Variants in IGSF21 observed in about 807,000 individuals in gnomAD.
The protein encoded by IGSF21 is immunoglobulin superfamily member 21.
A neutral mutation model predicts 46.8 loss-of-function variants in IGSF21; 28 were observed. The ratio of observed to expected loss-of-function variants is 0.60; its 90% confidence interval spans 0.44 to 0.82. The LOEUF is 0.82. Ranked by LOEUF, IGSF21 falls within the 40% of genes least tolerant of loss-of-function variation. The pLI is 0.00. For missense variants in IGSF21, 624 were observed against 665.5 expected (o/e 0.94, Z 0.69); for synonymous variants, 284 against 273.6 (o/e 1.04, Z -0.38).
intron 2 of IGSF21, among the ~76,000 whole-genome samples, chr1:18,253,458 C>A (rs1249019038): frequency 3.9e-5 from 6 of 152,218 alleles, no homozygotes; most frequent in African/African-American, 1.4e-4. Context: ...GCTGCATGGG[C>A]CCCTTCGTTG....
At chr1:18,239,204 T>A (rs1284231732) in intron 2 of IGSF21, among the ~76,000 whole-genome samples, 1 of 152,060 alleles carries the variant, frequency 6.6e-6, no homozygotes, top group Non-Finnish European at 1.5e-5. Context: ...CTGACTTAAC[T>A]TGTCGGAAAA....
intron 1 of IGSF21, among the ~76,000 whole-genome samples, chr1:18,145,830 C>T (rs531309328): frequency 2.0e-5 from 3 of 152,182 alleles, no homozygotes; most frequent in Admixed American, 2.0e-4. Flanking sequence ...CCAAGGTCGA[C>T]GCTCTGCCAG....
chr1:18,198,677 G>A (rs1570326897), intron 1 of IGSF21, among the ~76,000 whole-genome samples: 1 of 152,002 alleles, frequency 6.6e-6, no homozygotes, highest in South Asian at 2.1e-4. Flanking sequence ...AAAATGTATG[G>A]GATCAAGAGA....
chr1:18,369,953 C>A (rs1215426129), intron 6 of IGSF21, among the ~76,000 whole-genome samples: 1 of 152,152 alleles, frequency 6.6e-6, no homozygotes, highest in East Asian at 1.9e-4. Flanking sequence ...ATGTCCTTCC[C>A]ATTGATCAAA....
In IGSF21 at chr1:18,278,385, G is replaced by A. The variant is rs921025086; in HGVS notation, c.184-13481G>A. Among the ~76,000 whole-genome samples, 8 of 149,496 alleles carry A rather than the reference G, an allele frequency of 5.4e-5. 1 individual carries two copies. Among genetic ancestry groups the A allele is most frequent in the East Asian group, 4.0e-4 (2 of 5,040 alleles). ...CTCCTGAGTAGCTGGGATTACAGGC[G>A]CCCCCCCAACACACCTGGCTAATGT... is the stretch of plus-strand genomic sequence containing the variant. On this transcript the variant is annotated intron_variant, in intron 2 of 9. Transcript: ENST00000251296.
chr1:18,231,252 G>A (rs1008355823), intron 2 of IGSF21, among the ~76,000 whole-genome samples: 1 of 152,212 alleles, frequency 6.6e-6, no homozygotes. Flanking sequence ...TGAGCTGTCA[G>A]AAAACATCAT....
chr1:18,123,890 T>C (rs1454747127), intron 1 of IGSF21, among the ~76,000 whole-genome samples: 2 of 152,202 alleles, frequency 1.3e-5, no homozygotes, highest in East Asian at 3.9e-4. Context: ...ACAAATTCCC[T>C]AGCTGTAGGC....
chr1:18,231,775 A>G (rs994909060), intron 2 of IGSF21, among the ~76,000 whole-genome samples: 1 of 151,998 alleles, frequency 6.6e-6, no homozygotes, highest in Non-Finnish European at 1.5e-5. Context: ...GAACATTGAG[A>G]TTTTCTTTTG....
chr1:18,351,711 G>A (rs2085957615), intron 4 of IGSF21, among the ~76,000 whole-genome samples: 1 of 152,194 alleles, frequency 6.6e-6, no homozygotes, highest in Non-Finnish European at 1.5e-5. Context: ...GAAATCGCCC[G>A]TGTGTGTAAT....
intron 1 of IGSF21, among the ~76,000 whole-genome samples, chr1:18,186,776 TCCTGCCCCCTGGAATTCTCTTC>T: frequency 6.6e-6 from 1 of 152,322 alleles, no homozygotes; most frequent in South Asian, 2.1e-4. Flanking sequence ...CATATGCCTT[TCCTGCCCCCTGGAATTCTCTTC>T]CCTCCTCTCA....
chr1:18,159,570 C>T (rs2086597819), intron 1 of IGSF21, among the ~76,000 whole-genome samples: 1 of 152,188 alleles, frequency 6.6e-6, no homozygotes, highest in African/African-American at 2.4e-5. Context: ...CTCTCTCTTG[C>T]CTGCTGCCAT....
chr1:18,312,737 T>C (rs911123065), intron 3 of IGSF21, among the ~76,000 whole-genome samples: 1 of 152,166 alleles, frequency 6.6e-6, no homozygotes, highest in Non-Finnish European at 1.5e-5. Flanking sequence ...ATCTTCCCCA[T>C]CTCAAAATCC....
chr1:18,334,962 A>C lies in IGSF21; in HGVS notation c.376A>C (p.Arg126=), dbSNP rs781614363. Reference sequence around the variant, plus strand: ...TGTGGGCATCTACGACCGCGCCACCAGGGAGAAGGTGGTCCTGGCATCAGG... The same window carrying C: ...TGTGGGCATCTACGACCGCGCCACCCGGGAGAAGGTGGTCCTGGCATCAGG... ...CHVGIYDRAT[R]EKVVLASGNI... The change falls in exon 4 of 10, where the codon AGG becomes CGG. Residue 126 remains arginine (R), a synonymous_variant. Coordinates refer to ENST00000251296, the MANE Select transcript of IGSF21 (RefSeq NM_032880.5). This position sits in a 1 kb window ranked among gnomAD's most constrained non-coding sequence, Gnocchi z 4.3. 6.2e-7 allele frequency: 1 copy of C among 1,614,174 alleles called. No individual in the cohort carries two copies. The highest frequency in any genetic ancestry group is 8.5e-7 in the Non-Finnish European group (1 of 1,180,002).
At chr1:18,251,451 C>T (rs2084840781) in intron 2 of IGSF21, among the ~76,000 whole-genome samples, 1 of 152,144 alleles carries the variant, frequency 6.6e-6, no homozygotes, top group Non-Finnish European at 1.5e-5. Context: ...TACTCTCTTC[C>T]ATGAAGTGAC....
At chr1:18,189,049 G>A (rs2086930621) in intron 1 of IGSF21, among the ~76,000 whole-genome samples, 1 of 152,176 alleles carries the variant, frequency 6.6e-6, no homozygotes, top group African/African-American at 2.4e-5. Context: ...GATAATCCCA[G>A]AGTCAGAGCC....
chr1:18,139,233 C>T (rs544799909), intron 1 of IGSF21, among the ~76,000 whole-genome samples: 1 of 152,200 alleles, frequency 6.6e-6, no homozygotes, highest in Non-Finnish European at 1.5e-5. Flanking sequence ...TCACTCTTCC[C>T]TTCCCACTGG....
At chr1:18,181,338 G>C (rs527376676) in intron 1 of IGSF21, among the ~76,000 whole-genome samples, 5 of 152,214 alleles carry the variant, frequency 3.3e-5, no homozygotes, top group Non-Finnish European at 7.3e-5. Context: ...CTGCGACATT[G>C]ATGTGACAGG....
At chr1:18,197,407 G>T (rs557994275) in intron 1 of IGSF21, among the ~76,000 whole-genome samples, 1 of 152,216 alleles carries the variant, frequency 6.6e-6, no homozygotes, top group African/African-American at 2.4e-5. Flanking sequence ...TAAGCTGTGT[G>T]ACCTTGGATA....
intron 1 of IGSF21, among the ~76,000 whole-genome samples, chr1:18,145,827 C>G (rs958780437): frequency 6.6e-6 from 1 of 152,106 alleles, no homozygotes; most frequent in Non-Finnish European, 1.5e-5. Flanking sequence ...CTGCCAAGGT[C>G]GACGCTCTGC....
Sources: allele counts gnomAD v4.1 joint callset (sites outside exome capture counted in the v4.1 genomes callset), GRCh38; gene constraint gnomAD v4.1.1; non-coding constraint Gnocchi (gnomAD v3.1); transcripts MANE v1.5; gene names NCBI Gene and HGNC (gene_info 2026-07-23, HGNC 2026-07-21).